The following RBM26 variants were observed in gnomAD, a reference collection of about 807,000 sequenced individuals.
RBM26 encodes the protein RNA binding motif protein 26, also known as RNA-binding protein 26.
RBM26 carries 30 observed loss-of-function variants against 123.6 expected under a neutral mutation model. The ratio of observed to expected loss-of-function variants is 0.24; its 90% CI spans 0.18 to 0.33. RBM26 has a LOEUF of 0.33. Ranked by LOEUF, RBM26 falls within the 10% of genes least tolerant of loss-of-function variation. RBM26 has a pLI of 1.00. For missense variants in RBM26, 947 were observed against 1,203.6 expected, an observed-to-expected ratio of 0.79 and a Z score of 3.15; for synonymous variants, 400 against 404.4, an observed-to-expected ratio of 0.99 and a Z score of 0.13.
At chr13:79,344,870 T>G in intron 14 of RBM26, 76 bp from the exon 15 acceptor site, 1 of 1,406,564 alleles carries the variant, frequency 7.1e-7, no homozygotes, top group Non-Finnish European at 9.8e-7. Flanking sequence ...GACTCAACTT[T>G]AAAGCACTAC....
At chr13:79,390,921 T>C (rs1314318745) in intron 1 of RBM26, among the ~76,000 whole-genome samples, 1 of 152,140 alleles carries the variant, frequency 6.6e-6, no homozygotes. Context: ...TAGATCAATA[T>C]ATAAAAAGTC....
chr13:79,357,413 AT>A (rs1394564419), intron 11 of RBM26, among the ~76,000 whole-genome samples: 1 of 152,078 alleles, frequency 6.6e-6, no homozygotes, highest in Non-Finnish European at 1.5e-5. Flanking sequence ...TCAACATACT[AT>A]TTCAACACTT....
At chr13:79,362,725 A>G (rs188472074) in intron 9 of RBM26, among the ~76,000 whole-genome samples, 12 of 152,192 alleles carry the variant, frequency 7.9e-5, no homozygotes, top group African/African-American at 2.6e-4. Flanking sequence ...TTTTACTTTA[A>G]TATGTTCCGT....
In RBM26 at chr13:79,344,755, T is replaced by A. The variant is rs1223739220; in HGVS notation, c.2098A>T (p.Asn700Tyr). ...TSTGLTKTVY[N>Y]PAALKAAQKT... ...TGTGCAGCCTTCAAAGCAGCTGGAT[T>A]ATACACTGTTTTTGTTAGGCCAGTA... Residue 700 changes from asparagine (N) to tyrosine (Y), a missense_variant, in exon 15 of 22, where the codon AAT (asparagine) becomes TAT (tyrosine). This residue lies in a region of RBM26 where 493 missense variants were observed against 563.1 expected (regional missense o/e 0.88). Coordinates refer to ENST00000438737, the MANE Select transcript of RBM26 (RefSeq NM_001366735.2). 6.2e-7 allele frequency: 1 copy of A among 1,613,328 alleles called. No homozygotes were observed. The highest frequency in any genetic ancestry group is 8.5e-7 in the Non-Finnish European group (1 of 1,179,468).
intron 9 of RBM26, 40 bp from the exon 10 acceptor site, chr13:79,359,726 G>T (rs753732485): frequency 1.7e-6 from 2 of 1,158,176 alleles, no homozygotes; most frequent in Admixed American, 2.7e-5. Context: ...ATAAGCATAG[G>T]TTAATATTTT....
chr13:79,398,891 T>C (rs2078823504), intron 1 of RBM26, among the ~76,000 whole-genome samples: 1 of 152,182 alleles, frequency 6.6e-6, no homozygotes, highest in South Asian at 2.1e-4. Flanking sequence ...GTACACAAAC[T>C]TGAAATTTCA....
chr13:79,392,293 A>G (rs1213858720), intron 1 of RBM26, among the ~76,000 whole-genome samples: 1 of 139,282 alleles, frequency 7.2e-6, no homozygotes, highest in Non-Finnish European at 1.5e-5. Flanking sequence ...TATAAAATAT[A>G]TAATTAATTG....
At chr13:79,384,610 A>G (rs1422579806) in intron 1 of RBM26, among the ~76,000 whole-genome samples, 1 of 152,072 alleles carries the variant, frequency 6.6e-6, no homozygotes, top group Non-Finnish European at 1.5e-5. Flanking sequence ...CTTCATGCAT[A>G]CCCTTTAAAA....
rs71745215 is a variant in RBM26, at chr13:79,380,496, TA to T, written c.72-1590del. On this transcript the variant is annotated intron_variant, in intron 1 of 21. Coordinates refer to ENST00000438737, the MANE Select transcript of RBM26 (RefSeq NM_001366735.2). ...GGACAGGGTAAGAAGGGAAAGTTTTTAAAAAAAAAAAACCACATAATAATTG... is the reference window on the plus strand; with the variant it reads ...GGACAGGGTAAGAAGGGAAAGTTTTTAAAAAAAAAAACCACATAATAATTG... Among the ~76,000 whole-genome samples the T allele has an allele frequency of 6.0e-4, 89 of 147,356 alleles. 1 individual carries two copies. The East Asian group carries it at 8.3e-3, about 14-fold the overall frequency.
intron 20 of RBM26, among the ~76,000 whole-genome samples, chr13:79,322,992 C>T (rs1430504393): frequency 6.6e-6 from 1 of 151,206 alleles, no homozygotes; most frequent in Non-Finnish European, 1.5e-5. Context: ...CATCAAATGA[C>T]CAACTACCAT....
downstream of RBM26, among the ~76,000 whole-genome samples, chr13:79,316,442 G>A (rs866281415): frequency 5.9e-5 from 9 of 151,690 alleles, no homozygotes; most frequent in Middle Eastern, 0.017. Context: ...TTCCAAGTAA[G>A]AGTGGATAAA....
intron 20 of RBM26, among the ~76,000 whole-genome samples, chr13:79,329,419 T>G (rs1162868376): frequency 6.6e-6 from 1 of 152,022 alleles, no homozygotes; most frequent in East Asian, 1.9e-4. Context: ...TTAATAGTAA[T>G]GCGTACCCCT....
intron 1 of RBM26, 93 bp downstream of exon 1, chr13:79,405,611 T>C (rs898526123): frequency 1.7e-5 from 14 of 821,258 alleles, no homozygotes; most frequent in Non-Finnish European, 2.6e-5. Flanking sequence ...CGCTTCGGCC[T>C]CCACCGCAGG....
intron 20 of RBM26, among the ~76,000 whole-genome samples, chr13:79,331,061 AGC>A (rs1370568696): frequency 6.6e-6 from 1 of 151,072 alleles, no homozygotes; most frequent in East Asian, 2.0e-4. Flanking sequence ...CCCAGGCTGA[AGC>A]ACAGTGGCAT....
At chr13:79,368,628 T>C in intron 6 of RBM26, 102 bp downstream of exon 6, 1 of 1,165,286 alleles carries the variant, frequency 8.6e-7, no homozygotes, top group South Asian at 1.6e-5. Context: ...ATTTCCCACT[T>C]TTCAGAGGTA....
chr13:79,379,032 A>C, intron 1 of RBM26, 125 bp from the exon 2 acceptor site: 1 of 629,516 alleles, frequency 1.6e-6, no homozygotes, highest in Non-Finnish European at 2.8e-6. Context: ...CACCCGGGTC[A>C]CAGAGGACCT....
intron 13 of RBM26, among the ~76,000 whole-genome samples, chr13:79,354,030 T>C (rs1329952308): frequency 6.6e-6 from 1 of 152,192 alleles, no homozygotes; most frequent in East Asian, 1.9e-4. Flanking sequence ...TCCCTTACCA[T>C]AAGCTTTTAG....
rs1373047743 is a variant in RBM26, at chr13:79,403,963, T to C, written c.71+1741A>G. Among the ~76,000 whole-genome samples the C allele has an allele frequency of 5.3e-5, 8 of 152,272 alleles. No homozygotes were observed. The East Asian group carries it at 1.5e-3, about 29-fold the overall frequency. On this transcript the variant is annotated intron_variant, in intron 1 of 21. Transcript: ENST00000438737. ...TGTTTTTTAATGACATAAAGCCCAG[T>C]TTTCCTCCTGCCTCAGTACTAGGCC...
At chr13:79,375,081 T>TATATATATTTATATATC (rs1555332794) in intron 3 of RBM26, among the ~76,000 whole-genome samples, 6 of 104,366 alleles carry the variant, frequency 5.7e-5, no homozygotes, top group East Asian at 2.6e-4. Flanking sequence ...TTATATGATA[T>TATATATATTTATATATC]ATATAAATAT....
Sources: allele counts gnomAD v4.1 joint callset (sites outside exome capture counted in the v4.1 genomes callset), GRCh38; gene constraint gnomAD v4.1.1; regional missense constraint gnomAD v4.1.1; transcripts MANE v1.5; gene names NCBI Gene and HGNC (gene_info 2026-07-23, HGNC 2026-07-21).